Variants in BIN1 observed in about 807,000 individuals in gnomAD.
The protein encoded by BIN1 is bridging integrator 1.
In BIN1, 53 loss-of-function variants were observed where a neutral mutation model predicts 82.0. The ratio of observed to expected loss-of-function variants is 0.65; its 90% confidence interval spans 0.52 to 0.81. The LOEUF (loss-of-function observed/expected upper bound fraction) is 0.81, where lower values mean the gene tolerates loss of function less well. BIN1 is among the 40% of genes least tolerant of loss of function. BIN1 has a pLI of 0.00. For synonymous variants in BIN1, 302 were observed against 328.0 expected, an observed-to-expected ratio of 0.92 and a Z score of 0.86; for missense variants, 642 against 784.4, an observed-to-expected ratio of 0.82 and a Z score of 2.17.
chr2:127,050,616 T>C, intron 17 of BIN1, 94 bp from the exon 18 acceptor site: 1 of 1,445,996 alleles, frequency 6.9e-7, no homozygotes, highest in South Asian at 1.2e-5. Flanking sequence ...CAGGTGGCAG[T>C]ATGGAGACCA....
chr2:127,050,908 G>C lies in BIN1; in HGVS notation c.1466C>G (p.Ser489Cys), dbSNP rs766890661. 6.2e-7 allele frequency: 1 copy of C among 1,613,942 alleles called. No individual in the cohort carries two copies. The highest frequency in any genetic ancestry group is 1.3e-5 in the African/African-American group (1 of 75,054). ...ETAASEAASS[S>C]LPAVVVETFP... The stretch of plus-strand genomic sequence containing the variant: ...GGTCTCCACCACGACAGCAGGAAGA[G>C]AGCTCTGGTGGCAGAGGTACGGGTC... Residue 489 changes from serine to cysteine, a missense_variant, in exon 17 of 19, where the codon TCT (serine) becomes TGT (cysteine). Physicochemically the swap from Ser to Cys is moderately radical, Grantham distance 112. Transcript: ENST00000316724.
chr2:127,103,394 T>C (rs1680601398), intron 1 of BIN1, among the ~76,000 whole-genome samples: 1 of 152,136 alleles, frequency 6.6e-6, no homozygotes, highest in South Asian at 2.1e-4. Context: ...CACCTTCCTT[T>C]AGCGAGCCTC....
chr2:127,063,768 C>A (rs1189308187), intron 8 of BIN1, 122 bp from the exon 9 acceptor site: 2 of 1,386,488 alleles, frequency 1.4e-6, no homozygotes, highest in African/African-American at 1.4e-5. Context: ...AGGGCCCAGG[C>A]ACCGCAGCAC....
In BIN1 at chr2:127,076,636, T is replaced by A. The variant is rs369549551; in HGVS notation, c.155A>T (p.Asn52Ile). The change falls in exon 2 of 19, where the codon AAC (asparagine) becomes ATC (isoleucine). Residue 52 changes from asparagine to isoleucine, a missense_variant. By Grantham distance (149) the Asn-to-Ile change is moderately radical. Coordinates refer to ENST00000316724, the MANE Select transcript of BIN1 (RefSeq NM_139343.3). The stretch of plus-strand genomic sequence containing the variant: ...GCCACCCACACTCACCAGCTGCTTG[T>A]TGAAATTCTGGACGCACTGCTCAAA... ...EQFEQCVQNFNKQLTEGTRLQ... is the reference protein window; with the variant it reads ...EQFEQCVQNFIKQLTEGTRLQ... 8.7e-6 allele frequency: 14 copies of A among 1,614,112 alleles called. No individual in the cohort carries two copies. The highest frequency in any genetic ancestry group is 1.2e-5 in the Non-Finnish European group (14 of 1,180,028).
intron 1 of BIN1, among the ~76,000 whole-genome samples, chr2:127,100,099 C>T (rs1334109778): frequency 6.6e-6 from 1 of 152,226 alleles, no homozygotes; most frequent in African/African-American, 2.4e-5. Flanking sequence ...GCCACCGCAC[C>T]CGGCCAAGAG....
intron 2 of BIN1, among the ~76,000 whole-genome samples, chr2:127,073,537 A>G (rs1035042109): frequency 4.6e-5 from 7 of 152,128 alleles, no homozygotes; most frequent in African/African-American, 1.7e-4. Flanking sequence ...ACCTCCCTGG[A>G]CATCAGTCCC....
In BIN1 at chr2:127,089,286, A is replaced by C. The variant is rs374129390; in HGVS notation, c.85-12580T>G. Among the ~76,000 whole-genome samples, 11 of 152,216 alleles carry C rather than the reference A, an allele frequency of 7.2e-5. No individual in the cohort carries two copies. In the East Asian group the frequency reaches 1.5e-3, roughly 21 times the overall value. Reference sequence around the variant, plus strand: ...TGGAAGACTCTGGCCCTTAAAACCCAGCATGGAACGTGGAACCCTGGAAAG... The same window carrying C: ...TGGAAGACTCTGGCCCTTAAAACCCCGCATGGAACGTGGAACCCTGGAAAG... On this transcript the variant is annotated intron_variant, in intron 1 of 18. Coordinates refer to ENST00000316724, the MANE Select transcript of BIN1 (RefSeq NM_139343.3).
Position 127,070,620 on chromosome 2 carries a change from T to C in BIN1, c.248A>G (p.Asn83Ser), listed in dbSNP as rs1363900230. The change falls in exon 4 of 19, where the codon AAT becomes AGT. Residue 83 changes from asparagine to serine, a missense_variant. Coordinates refer to ENST00000316724, the MANE Select transcript of BIN1 (RefSeq NM_139343.3). ...KAMHEASKKL[N>S]ECLQEVYEPD... is the part of the protein sequence containing the mutation. ...CTCATACACCTCCTGCAGACACTCATTCAGCTTCTTGGAAGCCTCGTGCAT... is the reference window on the plus strand; with the variant it reads ...CTCATACACCTCCTGCAGACACTCACTCAGCTTCTTGGAAGCCTCGTGCAT... The C allele has an allele frequency of 9.9e-6, 16 of 1,613,902 alleles. No homozygotes were observed. The highest frequency in any genetic ancestry group is 4.5e-5 in the East Asian group (2 of 44,868).
chr2:127,057,590 G>A lies in BIN1; in HGVS notation c.1014C>T (p.Gly338=). 1 of 1,533,682 alleles carries A rather than the reference G, an allele frequency of 6.5e-7. No individual in the cohort carries two copies. The highest frequency in any genetic ancestry group is 1.2e-5 in the South Asian group (1 of 82,428). ...GTTTGGGAGGCGGAGGGACTGGTGG[G>A]CCTTTCCGGAGCTGTGGGTCGGCGG... The part of the protein sequence containing the change: ...LPKSPSQLRK[G]PPVPPPPKHT... The change falls in exon 12 of 19, where the codon GGC becomes GGT. Residue 338 remains glycine, a synonymous_variant. Coordinates refer to ENST00000316724, the MANE Select transcript of BIN1 (RefSeq NM_139343.3). The surrounding 1 kb of genome is among the most constrained non-coding windows in gnomAD (Gnocchi z 5.0).
At chr2:127,102,054 C>A (rs1680421663) in intron 1 of BIN1, among the ~76,000 whole-genome samples, 1 of 152,206 alleles carries the variant, frequency 6.6e-6, no homozygotes, top group Non-Finnish European at 1.5e-5. Context: ...TTACTTCCCA[C>A]AACACATGTG....
Position 127,069,884 on chromosome 2 carries a change from T to C in BIN1, c.411+111A>G, listed in dbSNP as rs1163093940. Reference sequence around the variant, plus strand: ...GGGGTGAAACACCGGGCCAGGCGCTTCCTGCCTCCAGGACAGCCTCCTCCT... The same window carrying C: ...GGGGTGAAACACCGGGCCAGGCGCTCCCTGCCTCCAGGACAGCCTCCTCCT... On this transcript the variant is annotated intron_variant, in intron 5 of 18. Transcript: ENST00000316724. The C allele has an allele frequency of 1.8e-5, 21 of 1,146,398 alleles. No homozygotes were observed. In the East Asian group the frequency reaches 5.2e-4, roughly 29 times the overall value. 71.0% of individuals were successfully genotyped at this position (1,146,398 alleles called of 1,614,324 possible). A position where few individuals can be genotyped will look rare whatever the true frequency, so the allele number is the denominator to read the frequency against.
At chr2:127,073,658 C>T (rs1387431894) in intron 2 of BIN1, among the ~76,000 whole-genome samples, 6 of 152,206 alleles carry the variant, frequency 3.9e-5, no homozygotes, top group African/African-American at 7.2e-5. Context: ...ATTCGGGGGG[C>T]GACCTTCACT....
At position 127,070,124 on chromosome 2, in the gene BIN1, G is replaced by A. The variant is rs760058996; in HGVS notation, c.316-34C>T. On this transcript the variant is annotated intron_variant, in intron 4 of 18. Transcript: ENST00000316724. ...GGCAAGAGCACGACAGTGCCACCAG[G>A]AGGGCTGGGCCACACCCGCCCCAGC... 7 of 1,597,120 alleles carry A rather than the reference G, an allele frequency of 4.4e-6. No homozygotes were observed. The Admixed American group carries it at 1.2e-4, about 27-fold the overall frequency.
At chr2:127,080,869 C>T (rs969904450) in intron 1 of BIN1, among the ~76,000 whole-genome samples, 1 of 152,214 alleles carries the variant, frequency 6.6e-6, no homozygotes, top group Non-Finnish European at 1.5e-5. Flanking sequence ...CGCTGGGCCT[C>T]GGCTGTGGAA....
At chr2:127,100,312 C>T (rs908831053) in intron 1 of BIN1, among the ~76,000 whole-genome samples, 2 of 151,126 alleles carry the variant, frequency 1.3e-5, no homozygotes, top group Admixed American at 6.6e-5. Context: ...GCTGGGGGTC[C>T]GACAGGGGCC....
At chr2:127,081,936 G>A (rs374793532) in intron 1 of BIN1, 27 of 1,252,146 alleles carry the variant, frequency 2.2e-5, no homozygotes, top group East Asian at 1.3e-4. Flanking sequence ...CGGGGGCCAC[G>A]GAGGCAGGAT....
intron 2 of BIN1, among the ~76,000 whole-genome samples, chr2:127,075,478 G>A (rs1686461151): frequency 6.6e-6 from 1 of 152,194 alleles, no homozygotes; most frequent in Non-Finnish European, 1.5e-5. Flanking sequence ...CAGAGCCACA[G>A]AGGCAGTAGA....
At chr2:127,063,008 G>A (rs998340084) in intron 9 of BIN1, among the ~76,000 whole-genome samples, 7 of 152,172 alleles carry the variant, frequency 4.6e-5, no homozygotes, top group Non-Finnish European at 8.8e-5. Flanking sequence ...CACTGGGGGC[G>A]GGGGTGCCAG....
At chr2:127,063,466 G>A (rs1203088307) in intron 9 of BIN1, 105 bp downstream of exon 9, 2 of 1,259,416 alleles carry the variant, frequency 1.6e-6, no homozygotes, top group Non-Finnish European at 1.1e-6. Flanking sequence ...GGTGTGTGCT[G>A]AACCTGGCAG....
Sources: allele counts gnomAD v4.1 joint callset (sites outside exome capture counted in the v4.1 genomes callset), GRCh38; gene constraint gnomAD v4.1.1; non-coding constraint Gnocchi (gnomAD v3.1); transcripts MANE v1.5; gene names NCBI Gene and HGNC (gene_info 2026-07-23, HGNC 2026-07-21).